ZNF71: variants seen among roughly 807,000 people sequenced by gnomAD.
ZNF71 encodes the protein zinc finger protein 71, also known as endothelial zinc finger protein induced by tumor necrosis factor alpha.
In ZNF71, 3 loss-of-function variants were observed where a neutral mutation model predicts 6.7. The observed-to-expected ratio is 0.45, with a 90% CI of 0.20 to 1.16. The LOEUF (loss-of-function observed/expected upper bound fraction) is 1.16. ZNF71 is among the 50% of genes most tolerant of loss of function. ZNF71 has a pLI of 0.25. For synonymous variants in ZNF71, 343 were observed against 311.1 expected, an observed-to-expected ratio of 1.10 and a Z score of -1.08; for missense variants, 688 against 728.6, an observed-to-expected ratio of 0.94 and a Z score of 0.64.
chr19:56,622,545 A>G lies in ZNF71; in HGVS notation c.1438A>G (p.Ser480Gly). The change falls in exon 4 of 4, where the codon AGC becomes GGC. Residue 480 changes from serine to glycine, a missense_variant. Coordinates refer to ENST00000599599, the MANE Select transcript of ZNF71 (RefSeq NM_001370215.1). ...YVCGECGKAF[S>G]QSAYLIEHQR... is the part of the protein sequence containing the mutation. The stretch of plus-strand genomic sequence containing the variant: ...GTGCGGCGAGTGCGGCAAGGCCTTC[A>G]GCCAGAGCGCCTACCTCATCGAGCA... 1 of 1,610,294 alleles carries G rather than the reference A, an allele frequency of 6.2e-7. No homozygotes were observed. The highest frequency in any genetic ancestry group is 1.3e-5 in the African/African-American group (1 of 75,022).
In ZNF71 at chr19:56,613,464, C is replaced by G. The variant is rs1346590941; in HGVS notation, c.34-348C>G. On this transcript the variant is annotated intron_variant, in intron 2 of 3. Coordinates refer to ENST00000599599, the MANE Select transcript of ZNF71 (RefSeq NM_001370215.1). The surrounding 1 kb of genome is among the most constrained non-coding windows in gnomAD (Gnocchi z 4.6). ...TAGGGGCTCAGAAAAGTTAGCTGTG[C>G]CCCTGGATTCCATCTGGGGCTCTGC... Among the ~76,000 whole-genome samples the G allele has an allele frequency of 1.3e-5, 2 of 152,220 alleles. No homozygotes were observed. The highest frequency in any genetic ancestry group is 4.8e-5 in the African/African-American group (2 of 41,456).
intron 2 of ZNF71, among the ~76,000 whole-genome samples, chr19:56,609,545 G>A (rs1405919520): frequency 1.3e-5 from 2 of 152,068 alleles, no homozygotes; most frequent in East Asian, 3.9e-4. Flanking sequence ...ATACGATATG[G>A]ATTTTGCCTG....
chr19:56,610,591 A>G (rs2044744045), intron 2 of ZNF71: 1 of 152,228 alleles, frequency 6.6e-6, no homozygotes, highest in African/African-American at 2.4e-5. Context: ...ATATCCTTAC[A>G]CATCTATGTT....
chr19:56,595,853 T>TTGTGTGTGTGTGTGTG (rs60371305), intron 1 of ZNF71, among the ~76,000 whole-genome samples: 35 of 137,494 alleles, frequency 2.5e-4, no homozygotes, highest in South Asian at 7.4e-4. Context: ...GTGTGTGTGT[T>TTGTGTGTGTGTGTGTG]TGTGTGTGTG....
chr19:56,621,365 G>T lies in ZNF71; in HGVS notation c.258G>T (p.Thr86=). The T allele has an allele frequency of 6.3e-7, 1 of 1,586,956 alleles. No homozygotes were observed. The highest frequency in any genetic ancestry group is 1.1e-5 in the South Asian group (1 of 87,424). Residue 86 remains threonine (T), a synonymous_variant, in exon 4 of 4, where the codon ACG becomes ACT. Transcript: ENST00000599599. ...SVVGEATGGP[T]RNGARGPGSE... is the part of the protein sequence containing the mutation. Reference sequence around the variant, plus strand: ...TTGGGGAGGCCACGGGGGGACCCACGAGGAATGGTGCCAGGGGTCCTGGCT... The same window carrying T: ...TTGGGGAGGCCACGGGGGGACCCACTAGGAATGGTGCCAGGGGTCCTGGCT...
chr19:56,615,802 A>C (rs1037088451), intron 3 of ZNF71, among the ~76,000 whole-genome samples: 10 of 152,026 alleles, frequency 6.6e-5, no homozygotes, highest in African/African-American at 2.4e-4. Flanking sequence ...ATGTAGTGCG[A>C]TGTATCTATT....
Position 56,613,790 on chromosome 19 carries a change from G to A in ZNF71, c.34-22G>A, listed in dbSNP as rs528996774. 7.3e-5 allele frequency: 79 copies of A among 1,086,200 alleles called. 1 individual carries two copies. In the South Asian group the frequency reaches 2.1e-3, roughly 28 times the overall value. 67.3% of individuals were successfully genotyped at this position (1,086,200 alleles called of 1,614,324 possible). ...CTGTAAGGAGGGCCCTGCGATGAGC[G>A]GATGTGGGTTTCCTCTTACAGGAAT... On this transcript the variant is annotated intron_variant, in intron 2 of 3. Transcript: ENST00000599599. This position sits in a 1 kb window ranked among gnomAD's most constrained non-coding sequence, Gnocchi z 4.6.
At chr19:56,609,483 C>G (rs73625112) in intron 2 of ZNF71, among the ~76,000 whole-genome samples, 1 of 152,100 alleles carries the variant, frequency 6.6e-6, no homozygotes, top group Non-Finnish European at 1.5e-5. Context: ...GGCAACCACA[C>G]ATCTACCTTC....
At position 56,622,100 on chromosome 19, in the gene ZNF71, G is replaced by C. The variant is rs1484107230; in HGVS notation, c.993G>C (p.Val331=). The C allele has an allele frequency of 6.2e-7, 1 of 1,611,478 alleles. No individual in the cohort carries two copies. Among genetic ancestry groups the C allele is most frequent in the African/African-American group, 1.3e-5 (1 of 74,416 alleles). Residue 331 remains valine (V), a synonymous_variant, in exon 4 of 4, where the codon GTG becomes GTC. Transcript: ENST00000599599. Reference sequence around the variant, plus strand: ...CGCACACCGGGGAGAAGCCGTACGTGTGCCCCGAGTGCGGGCGAGCCTTCA... The same window carrying C: ...CGCACACCGGGGAGAAGCCGTACGTCTGCCCCGAGTGCGGGCGAGCCTTCA... ...QRTHTGEKPY[V]CPECGRAFSQ...
chr19:56,596,544 A>G (rs1030725718), intron 1 of ZNF71, among the ~76,000 whole-genome samples: 2 of 152,130 alleles, frequency 1.3e-5, no homozygotes, highest in Non-Finnish European at 1.5e-5. Flanking sequence ...TGCCTCCCAC[A>G]GGATCTTCTT....
Position 56,615,643 on chromosome 19 carries a change from A to G in ZNF71, c.160+1705A>G, listed in dbSNP as rs576727714. Among the ~76,000 whole-genome samples, 103 of 150,112 alleles carry G rather than the reference A, an allele frequency of 6.9e-4. 1 individual carries two copies. Among genetic ancestry groups the G allele is most frequent in the Non-Finnish European group, 1.3e-3 (91 of 67,806 alleles). On this transcript the variant is annotated intron_variant, in intron 3 of 3. Transcript: ENST00000599599. ...TAACTATCTAGAAGTCCAATGCGCTATCCATTGCGTCACAGAGCCAGACCA... is the reference window on the plus strand; with the variant it reads ...TAACTATCTAGAAGTCCAATGCGCTGTCCATTGCGTCACAGAGCCAGACCA...
chr19:56,616,654 G>A (rs2044793905), intron 3 of ZNF71, among the ~76,000 whole-genome samples: 1 of 152,192 alleles, frequency 6.6e-6, no homozygotes, highest in Non-Finnish European at 1.5e-5. Flanking sequence ...CCAATAGTCT[G>A]CTAAATACTG....
chr19:56,599,947 CT>C (rs1463393422), intron 1 of ZNF71, among the ~76,000 whole-genome samples: 1 of 151,980 alleles, frequency 6.6e-6, no homozygotes, highest in East Asian at 1.9e-4. Context: ...TCCCAAAGTG[CT>C]GGGATTACAG....
intron 2 of ZNF71, among the ~76,000 whole-genome samples, chr19:56,609,551 G>C (rs186488192): frequency 8.8e-4 from 133 of 151,972 alleles, no homozygotes; most frequent in Admixed American, 5.3e-3. Flanking sequence ...TATGGATTTT[G>C]CCTGTCCCGG....
intron 3 of ZNF71, 116 bp from the exon 4 acceptor site, chr19:56,621,152 C>G (rs922596214): frequency 1.9e-5 from 20 of 1,050,656 alleles, no homozygotes; most frequent in Admixed American, 3.2e-5. Context: ...CTAACTCGCT[C>G]TGTGCCTTGG....
In ZNF71 at chr19:56,621,852, G is replaced by A. The variant is rs767356203; in HGVS notation, c.745G>A (p.Gly249Arg). 4 of 1,611,926 alleles carry A rather than the reference G, an allele frequency of 2.5e-6. No individual in the cohort carries two copies. The highest frequency in any genetic ancestry group is 2.7e-5 in the African/African-American group (2 of 74,902). ...VHTGEKPYAC[G>R]DCGKAFSQRM... ...CACGGGCGAGAAGCCCTATGCCTGCGGGGACTGCGGCAAGGCCTTCAGCCA... is the reference window on the plus strand; with the variant it reads ...CACGGGCGAGAAGCCCTATGCCTGCAGGGACTGCGGCAAGGCCTTCAGCCA... Residue 249 changes from glycine to arginine, a missense_variant, in exon 4 of 4, where the codon GGG (glycine) becomes AGG (arginine). By Grantham distance (125) the Gly-to-Arg change is moderately radical. Transcript: ENST00000599599.
At chr19:56,606,211 T>G (rs991235206) in intron 2 of ZNF71, among the ~76,000 whole-genome samples, 1 of 152,192 alleles carries the variant, frequency 6.6e-6, no homozygotes, top group Non-Finnish European at 1.5e-5. Flanking sequence ...TTATTCACAG[T>G]TGTATGCCCA....
chr19:56,622,542 T>C lies in ZNF71; in HGVS notation c.1435T>C (p.Phe479Leu). 1 of 1,610,174 alleles carries C rather than the reference T, an allele frequency of 6.2e-7. No individual in the cohort carries two copies. The highest frequency in any genetic ancestry group is 8.5e-7 in the Non-Finnish European group (1 of 1,177,042). ...CGTGTGCGGCGAGTGCGGCAAGGCC[T>C]TCAGCCAGAGCGCCTACCTCATCGA... is the stretch of plus-strand genomic sequence containing the variant. ...PYVCGECGKA[F>L]SQSAYLIEHQ... The change falls in exon 4 of 4, where the codon TTC becomes CTC. Residue 479 changes from phenylalanine (F) to leucine (L), a missense_variant. By Grantham distance (22) the Phe-to-Leu change is conservative (BLOSUM62 0). Transcript: ENST00000599599.
intron 3 of ZNF71, among the ~76,000 whole-genome samples, chr19:56,617,132 A>ATTTTTTTTT (rs2044801911): frequency 1.2e-5 from 1 of 81,022 alleles, no homozygotes; most frequent in African/African-American, 8.7e-5. Context: ...GTTTTTTTTG[A>ATTTTTTTTT]GACAGTCTTG....
Sources: allele counts gnomAD v4.1 joint callset (sites outside exome capture counted in the v4.1 genomes callset), GRCh38; gene constraint gnomAD v4.1.1; non-coding constraint Gnocchi (gnomAD v3.1); transcripts MANE v1.5; gene names NCBI Gene and HGNC (gene_info 2026-07-23, HGNC 2026-07-21).